ABCA8: variants seen among roughly 807,000 people sequenced by gnomAD.
The protein encoded by ABCA8 is ABC-type organic anion transporter ABCA8.
A neutral mutation model predicts 192.3 loss-of-function variants in ABCA8; 177 were observed. The observed-to-expected ratio is 0.92, with a 90% CI of 0.81 to 1.04. The LOEUF is 1.04. Among genes scored for constraint, ABCA8 ranks in the 50% least tolerant of loss-of-function variants. The probability of loss-of-function intolerance (pLI) is 0.00; values close to 1 mark genes in which losing one functional copy is unlikely to be tolerated. For synonymous variants in ABCA8, 642 were observed against 690.2 expected (o/e 0.93, Z 1.09); for missense variants, 1,915 against 1,904.8 (o/e 1.01, Z -0.10).
At position 68,911,943 on chromosome 17, in the gene ABCA8, T is replaced by C. The variant is rs2067236579; in HGVS notation, c.2139-4064A>G. 6.6e-6 allele frequency among the ~76,000 whole-genome samples: 1 copy of C among 152,156 alleles called. No homozygotes were observed. The highest frequency in any genetic ancestry group is 6.5e-5 in the Admixed American group (1 of 15,282). On this transcript the variant is annotated intron_variant, in intron 17 of 39. Transcript: ENST00000586539. This position sits in a 1 kb window ranked among gnomAD's most constrained non-coding sequence, Gnocchi z 5.7. ...CTGCAGTGACCAAAGACTTAGACCA[T>C]AACATTCTATTCCCTTTGAATACTT...
chr17:68,886,709 CAATT>C (rs2066469277), intron 26 of ABCA8: 1 of 162,926 alleles, frequency 6.1e-6, no homozygotes, highest in South Asian at 1.9e-4. Context: ...CAGAAGTCAA[CAATT>C]ATTTATTGAA....
Position 68,928,172 on chromosome 17 carries a change from T to C in ABCA8, c.1126-109A>G, listed in dbSNP as rs937019922. 3.5e-6 allele frequency: 3 copies of C among 852,288 alleles called. No individual in the cohort carries two copies. In the African/African-American group the frequency reaches 5.4e-5, roughly 15 times the overall value. The allele number at this position is 852,288 out of a possible 1,614,324, so 52.8% of individuals were successfully genotyped here. A position where few individuals can be genotyped will look rare whatever the true frequency, so the allele number is the denominator to read the frequency against. ...ACTACTTATTGCCTCATACTGAGAA[T>C]AGAGTTATATAGGGAGACTGCCTCC... On this transcript the variant is annotated intron_variant, in intron 9 of 39. Transcript: ENST00000586539.
chr17:68,949,299 A>G lies in ABCA8; in HGVS notation c.-6+13T>C, dbSNP rs2068503379. The G allele has an allele frequency of 6.6e-6, 1 of 152,220 alleles. No homozygotes were observed. The highest frequency in any genetic ancestry group is 2.1e-4 in the South Asian group (1 of 4,818). 9.4% of individuals were successfully genotyped at this position (152,220 alleles called of 1,614,324 possible). ...AACAAGTTCTGAGATTGAAGGAGTAATTAATAGCTTACCAATCAAAAAAAG... is the reference window on the plus strand; with the variant it reads ...AACAAGTTCTGAGATTGAAGGAGTAGTTAATAGCTTACCAATCAAAAAAAG... On this transcript the variant is annotated intron_variant, in intron 2 of 39. Coordinates refer to ENST00000586539, the MANE Select transcript of ABCA8 (RefSeq NM_001288985.2).
chr17:68,936,347 AT>A (rs2068064974), intron 5 of ABCA8, among the ~76,000 whole-genome samples: 1 of 151,996 alleles, frequency 6.6e-6, no homozygotes, highest in Non-Finnish European at 1.5e-5. Flanking sequence ...TCTTGAGTTA[AT>A]TTTTGTATAT....
At chr17:68,875,083 C>G (rs924014580) in intron 37 of ABCA8, among the ~76,000 whole-genome samples, 177 bp downstream of exon 37, 3 of 152,172 alleles carry the variant, frequency 2.0e-5, no homozygotes, top group Non-Finnish European at 4.4e-5. Flanking sequence ...ATAGTGGAAC[C>G]ATGACATTTG....
rs189866452 is a variant in ABCA8 at position 68,877,489 on chromosome 17, G to A, written c.4199+30C>T. Reference sequence around the variant, plus strand: ...TCAACCTCCTCCACCCCTCCCTTGGGTATAGAACAGATGTGGCTCCTCTGT... The same window carrying A: ...TCAACCTCCTCCACCCCTCCCTTGGATATAGAACAGATGTGGCTCCTCTGT... On this transcript the variant is annotated intron_variant, in intron 33 of 39. Transcript: ENST00000586539. The A allele has an allele frequency of 4.9e-4, 778 of 1,593,988 alleles. 7 individuals are homozygous for A. The African/African-American group carries it at 9.7e-3, about 20-fold the overall frequency.
At chr17:68,895,763 C>T (rs957199559) in intron 21 of ABCA8, among the ~76,000 whole-genome samples, 4 of 152,188 alleles carry the variant, frequency 2.6e-5, no homozygotes, top group Admixed American at 2.6e-4. Context: ...CATTTCCCCA[C>T]ATCTGCGTTG....
chr17:68,929,492 G>A (rs2067798063), intron 8 of ABCA8, 69 bp downstream of exon 8: 2 of 1,497,082 alleles, frequency 1.3e-6, no homozygotes, highest in South Asian at 2.6e-5. Context: ...GGCATACAGA[G>A]TAATCAGTCG....
chr17:68,940,299 A>C (rs1043321813), intron 4 of ABCA8, among the ~76,000 whole-genome samples: 12 of 152,130 alleles, frequency 7.9e-5, no homozygotes, highest in African/African-American at 2.2e-4. Context: ...TTTTGGTGTT[A>C]AAAGGTAGGG....
intron 24 of ABCA8, among the ~76,000 whole-genome samples, chr17:68,887,957 T>TATATACACACACATATATATGG (rs2066530779): frequency 6.5e-5 from 3 of 46,306 alleles, no homozygotes; most frequent in South Asian, 2.3e-3. Context: ...TATATATGGA[T>TATATACACACACATATATATGG]ATATATACAC....
chr17:68,922,232 T>TAAATTTAAA lies in ABCA8; in HGVS notation c.1501+9_1501+10insTTTAAATTT. The TAAATTTAAA allele has an allele frequency of 1.6e-6, 1 of 614,682 alleles. No homozygotes were observed. Among genetic ancestry groups the TAAATTTAAA allele is most frequent in the South Asian group, 4.1e-5 (1 of 24,326 alleles). The allele number at this position is 614,682 out of a possible 1,614,324, so 38.1% of individuals were successfully genotyped here. On this transcript the variant is annotated intron_variant, in intron 12 of 39. Coordinates refer to ENST00000586539, the MANE Select transcript of ABCA8 (RefSeq NM_001288985.2). ...TTTTTTTTTTTTTTTTTTTTTTTTTTTTTTTTTACCTTTCAAGGCTTCTAT... is the reference window on the plus strand; with the variant it reads ...TTTTTTTTTTTTTTTTTTTTTTTTTTAAATTTAAATTTTTTTACCTTTCAAGGCTTCTAT...
At chr17:68,880,272 C>T (rs1386063529) in intron 32 of ABCA8, 2 of 152,082 alleles carry the variant, frequency 1.3e-5, no homozygotes, top group Admixed American at 1.3e-4. Flanking sequence ...GGACACTCAT[C>T]GAGATGACCT....
chr17:68,877,252 C>A (rs182163236), intron 33 of ABCA8: 2 of 303,732 alleles, frequency 6.6e-6, no homozygotes, highest in African/African-American at 4.3e-5. Flanking sequence ...CTCACGAGCT[C>A]AAGCAGTCCA....
chr17:68,941,768 T>C (rs1279123756), intron 3 of ABCA8, among the ~76,000 whole-genome samples, 171 bp downstream of exon 3: 1 of 152,166 alleles, frequency 6.6e-6, no homozygotes, highest in African/African-American at 2.4e-5. Context: ...AACTGAAATA[T>C]CTTCAAACAG....
rs765009778 is a variant in ABCA8, at chr17:68,919,489, A to G, written c.1613-13T>C. ...ATGGTGACTGAACCTGTAACAAAGG[A>G]AAAGTTAATATCAAGATAAGGCTTA... is the stretch of plus-strand genomic sequence containing the variant. On this transcript the variant is annotated splice_polypyrimidine_tract_variant and intron_variant, in intron 13 of 39. Transcript: ENST00000586539. The G allele has an allele frequency of 3.7e-6, 6 of 1,602,510 alleles. No individual in the cohort carries two copies. In the East Asian group the frequency reaches 1.1e-4, roughly 30 times the overall value.
chr17:68,903,176 G>T, intron 20 of ABCA8, 125 bp downstream of exon 20: 1 of 1,028,406 alleles, frequency 9.7e-7, no homozygotes. Flanking sequence ...CTTCCACTGT[G>T]ATGCTTTCCC....
At chr17:68,935,112 TCTCA>T (rs1240634201) in intron 5 of ABCA8, among the ~76,000 whole-genome samples, 2 of 147,812 alleles carry the variant, frequency 1.4e-5, no homozygotes, top group African/African-American at 5.1e-5. Context: ...AGAGATGGAG[TCTCA>T]CTCTGTCACT....
At chr17:68,872,157 A>G (rs2066074560) in intron 37 of ABCA8, among the ~76,000 whole-genome samples, 1 of 151,926 alleles carries the variant, frequency 6.6e-6, no homozygotes, top group Non-Finnish European at 1.5e-5. Context: ...CATTATTCAC[A>G]ATAGCAAAGA....
Position 68,875,367 on chromosome 17 carries a change from T to C in ABCA8, c.4524A>G (p.Lys1508=), listed in dbSNP as rs2066171924. Residue 1508 remains lysine, a synonymous_variant, in exon 37 of 40, where the codon AAA becomes AAG. Coordinates refer to ENST00000586539, the MANE Select transcript of ABCA8 (RefSeq NM_001288985.2). ...TCTCCAGCAGGTAATCTTTGCCAAA[T>C]TTGCTTTTCAGGTGTTGGATGGAAC... is the stretch of plus-strand genomic sequence containing the variant. ...CIGSIQHLKS[K]FGKDYLLEMK... 6.2e-7 allele frequency: 1 copy of C among 1,613,968 alleles called. No individual in the cohort carries two copies. Among genetic ancestry groups the C allele is most frequent in the Non-Finnish European group, 8.5e-7 (1 of 1,180,016 alleles).
Sources: allele counts gnomAD v4.1 joint callset (sites outside exome capture counted in the v4.1 genomes callset), GRCh38; gene constraint gnomAD v4.1.1; non-coding constraint Gnocchi (gnomAD v3.1); transcripts MANE v1.5; gene names NCBI Gene and HGNC (gene_info 2026-07-23, HGNC 2026-07-21).